The following JMJD1C variants were observed in gnomAD, a reference collection of about 807,000 sequenced individuals.
JMJD1C encodes the protein jumonji domain containing 1C.
A neutral mutation model predicts 245.3 loss-of-function variants in JMJD1C; 31 were observed. That is an observed-to-expected ratio of 0.13 (90% CI 0.09 to 0.17). The LOEUF is 0.17. Ranked by LOEUF, JMJD1C falls within the 10% of genes least tolerant of loss-of-function variation. JMJD1C has a pLI of 1.00. For synonymous variants in JMJD1C, 1,057 were observed against 1,017.4 expected (o/e 1.04, Z -0.74); for missense variants, 2,691 against 3,000.2 (o/e 0.90, Z 2.41).
At chr10:63,233,651 G>T (rs1254733935) in intron 3 of JMJD1C, among the ~76,000 whole-genome samples, 4 of 151,072 alleles carry the variant, frequency 2.6e-5, no homozygotes, top group Non-Finnish European at 1.5e-5. Context: ...ATCACAAACA[G>T]AACCATAAAA....
chr10:63,388,926 T>C (rs1183203586), intron 1 of JMJD1C, among the ~76,000 whole-genome samples: 1 of 152,144 alleles, frequency 6.6e-6, no homozygotes, highest in Non-Finnish European at 1.5e-5. Flanking sequence ...GACAAGGTAA[T>C]TATATAACGA....
intron 2 of JMJD1C, among the ~76,000 whole-genome samples, chr10:63,301,418 C>G (rs1315323221): frequency 6.6e-6 from 1 of 152,208 alleles, no homozygotes; most frequent in Non-Finnish European, 1.5e-5. Flanking sequence ...TAGTTTATCA[C>G]ACAGGCAACA....
At chr10:63,256,447 CAT>C (rs1853945769) in intron 3 of JMJD1C, among the ~76,000 whole-genome samples, 1 of 152,062 alleles carries the variant, frequency 6.6e-6, no homozygotes, top group African/African-American at 2.4e-5. Context: ...AATATTAAAA[CAT>C]GATATGGCAA....
chr10:63,521,169 G>C (rs1031811241), intron 1 of JMJD1C, among the ~76,000 whole-genome samples: 2 of 152,138 alleles, frequency 1.3e-5, no homozygotes, highest in South Asian at 2.1e-4. Context: ...AGAGCGCAGG[G>C]GCCAAGGCCG....
At chr10:63,374,170 TAAAG>T (rs915436376) in intron 2 of JMJD1C, among the ~76,000 whole-genome samples, 4 of 151,930 alleles carry the variant, frequency 2.6e-5, no homozygotes, top group Non-Finnish European at 4.4e-5. Context: ...TGTAATAATA[TAAAG>T]AAAGCTCATA....
intron 2 of JMJD1C, among the ~76,000 whole-genome samples, chr10:63,286,732 T>C (rs1858027308): frequency 1.3e-5 from 2 of 152,192 alleles, no homozygotes; most frequent in African/African-American, 4.8e-5. Context: ...AGAAGATATT[T>C]ATTTAAAGGT....
At chr10:63,271,802 G>A (rs559203895) in intron 2 of JMJD1C, among the ~76,000 whole-genome samples, 1 of 152,226 alleles carries the variant, frequency 6.6e-6, no homozygotes, top group Non-Finnish European at 1.5e-5. Flanking sequence ...TCATTTCACA[G>A]AAATTATCAG....
intron 2 of JMJD1C, among the ~76,000 whole-genome samples, chr10:63,343,752 A>G (rs1203862720): frequency 3.3e-5 from 5 of 152,168 alleles, no homozygotes; most frequent in African/African-American, 1.2e-4. Context: ...AAATTAATTT[A>G]GTGGGCCAGG....
At chr10:63,386,349 C>A (rs2393968) in intron 1 of JMJD1C, among the ~76,000 whole-genome samples, 1 of 152,248 alleles carries the variant, frequency 6.6e-6, no homozygotes, top group African/African-American at 2.4e-5. Context: ...AGAAAGCAAC[C>A]CACCTTCCCC....
intron 2 of JMJD1C, among the ~76,000 whole-genome samples, chr10:63,345,380 G>C (rs548823308): frequency 1.3e-5 from 2 of 151,742 alleles, no homozygotes; most frequent in Admixed American, 1.3e-4. Context: ...CCAGCTACTC[G>C]GGAAGCTAAG....
intron 2 of JMJD1C, among the ~76,000 whole-genome samples, chr10:63,368,975 G>GAT (rs1946078601): frequency 6.6e-6 from 1 of 151,946 alleles, no homozygotes; most frequent in Admixed American, 6.6e-5. Flanking sequence ...TTATAATACT[G>GAT]ATATTGATCA....
chr10:63,254,470 G>A (rs1853566517), intron 3 of JMJD1C, among the ~76,000 whole-genome samples: 7 of 152,172 alleles, frequency 4.6e-5, no homozygotes, highest in Admixed American at 4.6e-4. Flanking sequence ...GTAAATAGGA[G>A]ACACTTCACA....
chr10:63,347,627 T>C (rs1232256131), intron 2 of JMJD1C, among the ~76,000 whole-genome samples: 1 of 148,970 alleles, frequency 6.7e-6, no homozygotes, highest in African/African-American at 2.5e-5. Flanking sequence ...AAAAAGAAAT[T>C]ACAGGGCAGG....
intron 3 of JMJD1C, among the ~76,000 whole-genome samples, chr10:63,224,400 C>T (rs1291649740): frequency 6.6e-6 from 1 of 152,120 alleles, no homozygotes; most frequent in South Asian, 2.1e-4. Flanking sequence ...TTAATTAAAA[C>T]CCACAAAAAG....
At chr10:63,286,485 C>T (rs1564736024) in intron 2 of JMJD1C, among the ~76,000 whole-genome samples, 2 of 152,174 alleles carry the variant, frequency 1.3e-5, no homozygotes, top group African/African-American at 4.8e-5. Flanking sequence ...AGAACTTAGA[C>T]CTTTTCTTAA....
intron 2 of JMJD1C, among the ~76,000 whole-genome samples, chr10:63,344,874 AC>A (rs1163792852): frequency 6.6e-6 from 1 of 152,154 alleles, no homozygotes; most frequent in East Asian, 1.9e-4. Flanking sequence ...CCCTAGTAAT[AC>A]CAAGTTCTGG....
intron 1 of JMJD1C, among the ~76,000 whole-genome samples, chr10:63,412,763 T>C (rs947810114): frequency 9.9e-5 from 15 of 152,262 alleles, no homozygotes; most frequent in South Asian, 6.2e-4. Flanking sequence ...GATGTACATA[T>C]ATTTTATGCA....
At chr10:63,267,032 A>G (rs1029861194) in intron 2 of JMJD1C, among the ~76,000 whole-genome samples, 3 of 152,186 alleles carry the variant, frequency 2.0e-5, no homozygotes, top group African/African-American at 7.2e-5. Flanking sequence ...AAAGCCAAGT[A>G]AAATTTGGCT....
chr10:63,296,626 CGTATAG>C (rs1488754367), intron 2 of JMJD1C, among the ~76,000 whole-genome samples: 3 of 152,114 alleles, frequency 2.0e-5, no homozygotes, highest in African/African-American at 7.2e-5. Flanking sequence ...TGGAAATGTG[CGTATAG>C]GTGACAAAAA....
Sources: allele counts gnomAD v4.1 joint callset (sites outside exome capture counted in the v4.1 genomes callset), GRCh38; gene constraint gnomAD v4.1.1; transcripts MANE v1.5; gene names NCBI Gene and HGNC (gene_info 2026-07-23, HGNC 2026-07-21).